The following CENPC variants were observed in gnomAD, a reference collection of about 807,000 sequenced individuals.
The protein encoded by CENPC is centromere protein C.
A neutral mutation model predicts 112.1 loss-of-function variants in CENPC; 63 were observed. The observed-to-expected ratio is 0.56, with a 90% confidence interval of 0.46 to 0.69. The LOEUF is 0.69. CENPC is among the 30% of genes least tolerant of loss of function. The pLI, the probability that CENPC is intolerant of heterozygous loss-of-function variation, is 0.00. For synonymous variants in CENPC, 333 were observed against 367.6 expected (o/e 0.91, Z 1.08); for missense variants, 1,000 against 1,103.8 (o/e 0.91, Z 1.33).
chr4:67,522,239 G>C (rs1726248836), intron 5 of CENPC, among the ~76,000 whole-genome samples: 1 of 152,170 alleles, frequency 6.6e-6, no homozygotes, highest in Non-Finnish European at 1.5e-5. Context: ...TTTAAGTTGG[G>C]AATTCGTTGT....
chr4:67,539,864 A>G lies in CENPC; in HGVS notation c.207T>C (p.Thr69=). Residue 69 remains threonine (T), a synonymous_variant, in exon 4 of 19, where the codon ACT becomes ACC. Transcript: ENST00000273853. The stretch of plus-strand genomic sequence containing the variant: ...CCTCTTTGCTTGGTGACTGAATACA[A>G]GTGTCTTTTATTTTGCGTGTTGAAT... ...VPNSTRKIKD[T]CIQSPSKECQ... 6.5e-7 allele frequency: 1 copy of G among 1,532,764 alleles called. No individual in the cohort carries two copies. Among genetic ancestry groups the G allele is most frequent in the Non-Finnish European group, 8.8e-7 (1 of 1,140,576 alleles). 94.9% of individuals were successfully genotyped at this position (1,532,764 alleles called of 1,614,324 possible).
intron 10 of CENPC, among the ~76,000 whole-genome samples, chr4:67,507,628 A>G (rs974059148): frequency 5.9e-5 from 9 of 152,100 alleles, no homozygotes; most frequent in African/African-American, 2.2e-4. Flanking sequence ...CCATATAGAA[A>G]AGCTCAGGCA....
chr4:67,508,429 T>C (rs1402757586), intron 10 of CENPC, among the ~76,000 whole-genome samples: 1 of 146,470 alleles, frequency 6.8e-6, no homozygotes, highest in East Asian at 2.0e-4. Context: ...AGAAGGATTA[T>C]CTGACCCAGA....
Position 67,545,415 on chromosome 4 carries a change from T to G in CENPC, c.-60A>C. 1 of 1,448,026 alleles carries G rather than the reference T, an allele frequency of 6.9e-7. No homozygotes were observed. 89.7% of individuals were successfully genotyped at this position (1,448,026 alleles called of 1,614,324 possible). A position where few individuals can be genotyped will look rare whatever the true frequency, so the allele number is the denominator to read the frequency against. The stretch of plus-strand genomic sequence containing the variant: ...GGTGGAAGCCCACACGGACCACAGC[T>G]CCAGGAAGCCGAGCAAGAAACGAAT... On this transcript the variant is annotated 5_prime_UTR_variant, in exon 1 of 19. Coordinates refer to ENST00000273853, the MANE Select transcript of CENPC (RefSeq NM_001812.4).
intron 5 of CENPC, among the ~76,000 whole-genome samples, chr4:67,522,546 GAGA>G (rs964654355): frequency 5.3e-5 from 8 of 152,204 alleles, no homozygotes; most frequent in African/African-American, 1.9e-4. Context: ...AAGAGAGAGA[GAGA>G]AGGAGAGAGA....
chr4:67,519,108 T>C, intron 6 of CENPC, 109 bp downstream of exon 6: 1 of 764,992 alleles, frequency 1.3e-6, no homozygotes, highest in South Asian at 2.3e-5. Flanking sequence ...AACATGTTAA[T>C]ATTCCTCCTT....
chr4:67,507,943 T>C (rs971157389), intron 10 of CENPC, among the ~76,000 whole-genome samples: 3 of 152,126 alleles, frequency 2.0e-5, no homozygotes, highest in African/African-American at 4.8e-5. Context: ...TATACGCTAA[T>C]ATATTTTAGG....
intron 5 of CENPC, among the ~76,000 whole-genome samples, chr4:67,520,344 G>C (rs1049306016): frequency 1.5e-4 from 23 of 152,162 alleles, no homozygotes; most frequent in African/African-American, 5.1e-4. Context: ...TGAAGCTGTA[G>C]AGTAGTGAAA....
intron 4 of CENPC, among the ~76,000 whole-genome samples, chr4:67,533,052 T>A (rs1346269155): frequency 6.6e-6 from 1 of 152,088 alleles, no homozygotes; most frequent in African/African-American, 2.4e-5. Flanking sequence ...ATCAGCACAG[T>A]AGAGAAATAA....
chr4:67,513,979 T>C (rs2109804035), intron 8 of CENPC, 95 bp downstream of exon 8: 1 of 1,222,530 alleles, frequency 8.2e-7, no homozygotes, highest in Non-Finnish European at 1.1e-6. Context: ...TTCATTTAGG[T>C]TTACTTTGCC....
At chr4:67,481,723 C>T (rs1469948414) in intron 17 of CENPC, among the ~76,000 whole-genome samples, 1 of 152,132 alleles carries the variant, frequency 6.6e-6, no homozygotes, top group Non-Finnish European at 1.5e-5. Context: ...AAACTGGATC[C>T]TCATCTGCCA....
At chr4:67,528,926 A>C (rs1726463334) in intron 5 of CENPC, among the ~76,000 whole-genome samples, 1 of 152,138 alleles carries the variant, frequency 6.6e-6, no homozygotes, top group Non-Finnish European at 1.5e-5. Flanking sequence ...ACCATTTTAC[A>C]TTCCCACCAG....
At chr4:67,482,783 G>A (rs903181576) in intron 17 of CENPC, among the ~76,000 whole-genome samples, 30 of 152,104 alleles carry the variant, frequency 2.0e-4, no homozygotes, top group African/African-American at 6.8e-4. Context: ...AAGACTACAC[G>A]GTGGGTACAG....
At chr4:67,518,849 C>G (rs2109810105) in intron 6 of CENPC, among the ~76,000 whole-genome samples, 2 of 152,290 alleles carry the variant, frequency 1.3e-5, no homozygotes, top group South Asian at 4.1e-4. Context: ...GTCCACAAAG[C>G]ATAGCATCCT....
At chr4:67,488,964 A>G (rs1725163157) in intron 17 of CENPC, among the ~76,000 whole-genome samples, 1 of 151,448 alleles carries the variant, frequency 6.6e-6, no homozygotes, top group Non-Finnish European at 1.5e-5. Flanking sequence ...TCCTTTTTGA[A>G]TTTACTTTAA....
chr4:67,492,823 T>C, intron 15 of CENPC, 46 bp downstream of exon 15: 1 of 1,481,824 alleles, frequency 6.7e-7, no homozygotes, highest in Non-Finnish European at 9.0e-7. Context: ...AAAGTACTCC[T>C]ATTTAAAATA....
At chr4:67,541,096 T>C in intron 2 of CENPC, 46 bp from the exon 3 acceptor site, 1 of 1,226,722 alleles carries the variant, frequency 8.2e-7, no homozygotes, top group Non-Finnish European at 1.2e-6. Context: ...AGATATTTCT[T>C]TATATTACCA....
At chr4:67,474,247 A>G (rs1369203743) in intron 18 of CENPC, among the ~76,000 whole-genome samples, 7 of 151,958 alleles carry the variant, frequency 4.6e-5, no homozygotes, top group Non-Finnish European at 8.8e-5. Flanking sequence ...TTGTATTTTT[A>G]GTAGAGATGG....
intron 17 of CENPC, among the ~76,000 whole-genome samples, chr4:67,479,464 T>G (rs557701945): frequency 6.6e-6 from 1 of 152,304 alleles, no homozygotes; most frequent in Non-Finnish European, 1.5e-5. Flanking sequence ...AATCTCCTCC[T>G]GAATGATTGT....
Sources: allele counts gnomAD v4.1 joint callset (sites outside exome capture counted in the v4.1 genomes callset), GRCh38; gene constraint gnomAD v4.1.1; transcripts MANE v1.5; gene names NCBI Gene and HGNC (gene_info 2026-07-23, HGNC 2026-07-21).